The following SLC36A2 variants were observed in gnomAD, a reference collection of about 807,000 sequenced individuals.
The protein encoded by SLC36A2 is solute carrier family 36 member 2.
SLC36A2 carries 39 observed loss-of-function variants against 42.7 expected under a neutral mutation model. That is an observed-to-expected ratio of 0.91 (90% CI 0.71 to 1.19). The LOEUF (loss-of-function observed/expected upper bound fraction) is 1.19, where lower values mean the gene tolerates loss of function less well. Ranked by LOEUF, SLC36A2 falls within the 50% of genes most tolerant of loss-of-function variation. The pLI, the probability that SLC36A2 is intolerant of heterozygous loss-of-function variation, is 0.00. For synonymous variants in SLC36A2, 237 were observed against 240.8 expected, an observed-to-expected ratio of 0.98 and a Z score of 0.15; for missense variants, 590 against 613.7, an observed-to-expected ratio of 0.96 and a Z score of 0.41.
rs1295124339 is a variant in SLC36A2, at chr5:151,335,390, GAGA to G, written c.680_682del (p.Phe227del). 1.2e-6 allele frequency: 2 copies of G among 1,614,160 alleles called. No individual in the cohort carries two copies. Among genetic ancestry groups the G allele is most frequent in the East Asian group, 4.5e-5 (2 of 44,890 alleles). Reference sequence around the variant, plus strand: ...CAGCATGCTGATGTTGGCCAGCATGGAGAAGATGGTCAAGATCCTGAGGTTCCG... The same window carrying G: ...CAGCATGCTGATGTTGGCCAGCATGGAGATGGTCAAGATCCTGAGGTTCCG... On this transcript the variant is annotated inframe_deletion, in exon 6 of 10. Coordinates refer to ENST00000335244, the MANE Select transcript of SLC36A2 (RefSeq NM_181776.3).
Position 151,339,049 on chromosome 5 carries a change from G to T in SLC36A2, c.525+11C>A. On this transcript the variant is annotated intron_variant, in intron 5 of 9. Transcript: ENST00000335244. The stretch of plus-strand genomic sequence containing the variant: ...ATCTTTTCCCCTCCCGTTTTCTCTA[G>T]AAGCCTCTACCTGTTTTAAATTATC... 6.2e-7 allele frequency: 1 copy of T among 1,601,222 alleles called. No homozygotes were observed. Among genetic ancestry groups the T allele is most frequent in the South Asian group, 1.1e-5 (1 of 90,712 alleles).
At chr5:151,331,490 A>T (rs187983904) in intron 7 of SLC36A2, among the ~76,000 whole-genome samples, 345 of 150,142 alleles carry the variant, frequency 2.3e-3, no homozygotes, top group African/African-American at 6.4e-3. Context: ...TAATTAAAAA[A>T]TTTTTTTTTG....
intron 6 of SLC36A2, among the ~76,000 whole-genome samples, chr5:151,334,782 A>G (rs1484848478): frequency 6.6e-6 from 1 of 152,234 alleles, no homozygotes; most frequent in Non-Finnish European, 1.5e-5. Context: ...CCATAATTCA[A>G]CATCAAAGAC....
intron 2 of SLC36A2, among the ~76,000 whole-genome samples, chr5:151,343,806 C>T (rs930419719): frequency 2.4e-4 from 37 of 152,252 alleles, no homozygotes; most frequent in Admixed American, 1.7e-3. Context: ...AAAGCAATTA[C>T]AATGGGGTAT....
At chr5:151,319,150 C>T in intron 9 of SLC36A2, 1 of 974,908 alleles carries the variant, frequency 1.0e-6, no homozygotes, top group Non-Finnish European at 1.2e-6. Context: ...TGAGATTTTT[C>T]ATGTAAAGCA....
chr5:151,332,354 C>A, intron 7 of SLC36A2: 1 of 452,528 alleles, frequency 2.2e-6, no homozygotes, highest in South Asian at 1.6e-5. Context: ...GATGTTTCTC[C>A]AAAGAAGATG....
chr5:151,330,615 G>A (rs1268934513), intron 7 of SLC36A2, among the ~76,000 whole-genome samples: 2 of 152,186 alleles, frequency 1.3e-5, no homozygotes, highest in African/African-American at 2.4e-5. Context: ...AAGAAAGAGC[G>A]ACAGAAATGG....
In SLC36A2 at chr5:151,325,419, G is replaced by A. The variant is rs201530548; in HGVS notation, c.877C>T (p.Arg293Cys). 3.6e-5 allele frequency: 58 copies of A among 1,614,114 alleles called. No individual in the cohort carries two copies. The East Asian group carries it at 4.0e-4, about 11-fold the overall frequency. The stretch of plus-strand genomic sequence containing the variant: ...AAAGACAGGATGGCTGGGAAGTGGC[G>A]GGCATTCTTCATCTTGTTTTCCAGA... ...LPLENKMKNA[R>C]HFPAILSLGM... Residue 293 changes from arginine (R) to cysteine (C), a missense_variant, in exon 8 of 10, where the codon CGC becomes TGC. Transcript: ENST00000335244.
chr5:151,333,173 G>T, intron 7 of SLC36A2, 51 bp downstream of exon 7: 2 of 1,494,692 alleles, frequency 1.3e-6, no homozygotes, highest in Non-Finnish European at 1.9e-6. Flanking sequence ...TTCCTTTCTA[G>T]AAGGTCACTC....
intron 8 of SLC36A2, among the ~76,000 whole-genome samples, chr5:151,322,914 T>A (rs1213393960): frequency 6.6e-6 from 1 of 152,210 alleles, no homozygotes; most frequent in Non-Finnish European, 1.5e-5. Context: ...TTCAGTCCAC[T>A]AATGCAGTAG....
At position 151,316,774 on chromosome 5, in the gene SLC36A2, T is replaced by C; in HGVS notation, c.*43A>G. 8.7e-7 allele frequency: 1 copy of C among 1,155,218 alleles called. No homozygotes were observed. Among genetic ancestry groups the C allele is most frequent in the South Asian group, 1.3e-5 (1 of 77,302 alleles). The allele number at this position is 1,155,218 out of a possible 1,614,324, so 71.6% of individuals were successfully genotyped here. A position where few individuals can be genotyped will look rare whatever the true frequency, so the allele number is the denominator to read the frequency against. On this transcript the variant is annotated 3_prime_UTR_variant, in exon 10 of 10. Coordinates refer to ENST00000335244, the MANE Select transcript of SLC36A2 (RefSeq NM_181776.3). ...AAAAAAAAAAAAAAAGAGATCCATA[T>C]AATTAAAAGTCGGGTGCTGGTAGGC...
chr5:151,316,728 G>C lies in SLC36A2; in HGVS notation c.*89C>G. ...GTACTCCAGTCTGGGCAACAAGACA[G>C]AAACTCCGTCTCAAAAAAAAAAAAA... On this transcript the variant is annotated 3_prime_UTR_variant, in exon 10 of 10. Transcript: ENST00000335244. The C allele has an allele frequency of 1.5e-6, 2 of 1,372,562 alleles. No individual in the cohort carries two copies. Among genetic ancestry groups the C allele is most frequent in the Non-Finnish European group, 1.9e-6 (2 of 1,051,602 alleles). 85.0% of individuals were successfully genotyped at this position (1,372,562 alleles called of 1,614,324 possible).
chr5:151,338,786 A>G (rs965728188), intron 5 of SLC36A2: 12 of 335,268 alleles, frequency 3.6e-5, no homozygotes, highest in Non-Finnish European at 5.8e-5. Context: ...TCAAGGCAGG[A>G]GGATTAACAA....
intron 7 of SLC36A2, among the ~76,000 whole-genome samples, chr5:151,332,706 C>T (rs1262815538): frequency 6.6e-6 from 1 of 152,212 alleles, no homozygotes; most frequent in African/African-American, 2.4e-5. Context: ...GTTCTGCATT[C>T]TGACTTTGGT....
intron 4 of SLC36A2, among the ~76,000 whole-genome samples, chr5:151,340,204 GA>G (rs1342585100): frequency 1.2e-4 from 16 of 135,152 alleles, no homozygotes; most frequent in African/African-American, 4.6e-4. Context: ...AGGAGGAGGA[GA>G]GGAGGAGGAG....
In SLC36A2 at chr5:151,339,153, G is replaced by C; in HGVS notation, c.441-9C>G. 6.3e-7 allele frequency: 1 copy of C among 1,599,338 alleles called. No individual in the cohort carries two copies. Among genetic ancestry groups the C allele is most frequent in the Non-Finnish European group, 8.6e-7 (1 of 1,168,670 alleles). On this transcript the variant is annotated splice_polypyrimidine_tract_variant and intron_variant, in intron 4 of 9. Coordinates refer to ENST00000335244, the MANE Select transcript of SLC36A2 (RefSeq NM_181776.3). ...AGAAGCTCACGATATGCCTAGAAGG[G>C]AGAAGAGAGGGAAAAAGAAAACTTG... is the stretch of plus-strand genomic sequence containing the variant.
At chr5:151,335,212 G>T in intron 6 of SLC36A2, 117 bp downstream of exon 6, 1 of 727,944 alleles carries the variant, frequency 1.4e-6, no homozygotes, top group Non-Finnish European at 2.5e-6. Flanking sequence ...TGAGATGCAT[G>T]TCTCTCATAA....
intron 5 of SLC36A2, 24 bp from the exon 6 acceptor site, chr5:151,335,571 A>G (rs1299521209): frequency 6.6e-7 from 1 of 1,526,076 alleles, no homozygotes; most frequent in Admixed American, 1.7e-5. Context: ...GGGAGAGGCA[A>G]AAGGGGGAGA....
chr5:151,339,729 C>G (rs1259102459), intron 4 of SLC36A2, among the ~76,000 whole-genome samples: 1 of 152,236 alleles, frequency 6.6e-6, no homozygotes, highest in Non-Finnish European at 1.5e-5. Context: ...CATTCCTCAT[C>G]ATTGATACCA....
Sources: gnomAD v4.1 joint callset for allele counts (sites outside exome capture counted in the v4.1 genomes callset) on GRCh38, gnomAD v4.1.1 for gene constraint, MANE v1.5 for transcripts, NCBI Gene and HGNC (gene_info 2026-07-23, HGNC 2026-07-21) for gene names.